Variants in SLC35F1 observed in about 807,000 individuals in gnomAD.
SLC35F1 encodes solute carrier family 35 member F1.
SLC35F1 carries 14 observed loss-of-function variants against 48.7 expected under a neutral mutation model. The ratio of observed to expected loss-of-function variants is 0.29; its 90% CI spans 0.19 to 0.45. SLC35F1 has a LOEUF of 0.45. Among genes scored for constraint, SLC35F1 ranks in the 20% least tolerant of loss-of-function variants. The pLI is 1.00. For synonymous variants in SLC35F1, 190 were observed against 202.2 expected, an observed-to-expected ratio of 0.94 and a Z score of 0.51; for missense variants, 404 against 500.0, an observed-to-expected ratio of 0.81 and a Z score of 1.83.
intron 6 of SLC35F1, among the ~76,000 whole-genome samples, chr6:118,284,721 T>C (rs1178087841): frequency 6.6e-6 from 1 of 152,216 alleles, no homozygotes; most frequent in Non-Finnish European, 1.5e-5. Flanking sequence ...CTCTTTGACA[T>C]GCAAGCTCTT....
At chr6:118,132,250 A>C (rs1327519151) in intron 1 of SLC35F1, among the ~76,000 whole-genome samples, 2 of 152,198 alleles carry the variant, frequency 1.3e-5, no homozygotes, top group Non-Finnish European at 2.9e-5. Flanking sequence ...TGAGGGCAAA[A>C]TATATGAAGG....
At chr6:118,157,676 G>A (rs62423697) in intron 2 of SLC35F1, among the ~76,000 whole-genome samples, 1 of 152,156 alleles carries the variant, frequency 6.6e-6, no homozygotes, top group African/African-American at 2.4e-5. Context: ...TGAGGGCAGG[G>A]AGCATCCAGC....
rs192147846 is a variant in SLC35F1 at position 117,947,376 on chromosome 6, G to C, written c.173+39477G>C. On this transcript the variant is annotated intron_variant, in intron 1 of 7. Transcript: ENST00000360388. ...GAAAGGAGGACTGGTAATTGGAGAAGGGCCCCGCAAACCATTGTAAAGACT... is the reference window on the plus strand; with the variant it reads ...GAAAGGAGGACTGGTAATTGGAGAACGGCCCCGCAAACCATTGTAAAGACT... Among the ~76,000 whole-genome samples, 537 of 152,266 alleles carry C rather than the reference G, an allele frequency of 3.5e-3. 4 individuals carry two copies. Among genetic ancestry groups the C allele is most frequent in the African/African-American group, 0.013 (522 of 41,560 alleles).
At chr6:117,919,226 T>C (rs950061280) in intron 1 of SLC35F1, among the ~76,000 whole-genome samples, 3 of 152,082 alleles carry the variant, frequency 2.0e-5, no homozygotes, top group Non-Finnish European at 4.4e-5. Flanking sequence ...CACTTCAAGG[T>C]TTTATGTCTG....
intron 1 of SLC35F1, among the ~76,000 whole-genome samples, chr6:118,077,074 T>A (rs1300318828): frequency 6.6e-6 from 1 of 152,248 alleles, no homozygotes; most frequent in African/African-American, 2.4e-5. Context: ...GACAGATTAA[T>A]CTTTGAAGAA....
chr6:118,222,481 A>G (rs1006244706), intron 2 of SLC35F1, among the ~76,000 whole-genome samples: 7 of 152,038 alleles, frequency 4.6e-5, no homozygotes, highest in Non-Finnish European at 8.8e-5. Context: ...TTGACCTTCA[A>G]GGCCTATTTT....
Position 118,280,938 on chromosome 6 carries a change from C to T in SLC35F1, c.847+3392C>T, listed in dbSNP as rs149358600. On this transcript the variant is annotated intron_variant, in intron 6 of 7. Transcript: ENST00000360388. ...TCTGAGGCCTAGGGAGTTGAGGTGA[C>T]TTGACGAGCATTACATATCTGAGCA... Among the ~76,000 whole-genome samples the T allele has an allele frequency of 1.6e-3, 248 of 151,726 alleles. 3 individuals are homozygous for T. Among genetic ancestry groups the T allele is most frequent in the Non-Finnish European group, 2.0e-3 (138 of 67,934 alleles).
chr6:118,313,973 T>C, intron 7 of SLC35F1, 55 bp from the exon 8 acceptor site: 1 of 1,518,558 alleles, frequency 6.6e-7, no homozygotes, highest in Non-Finnish European at 9.1e-7. Flanking sequence ...GCCTCATTAA[T>C]GTGTCAGTGG....
intron 1 of SLC35F1, among the ~76,000 whole-genome samples, chr6:118,146,842 T>C (rs1281224869): frequency 6.6e-6 from 1 of 152,170 alleles, no homozygotes; most frequent in Non-Finnish European, 1.5e-5. Context: ...GTAACTTGGC[T>C]ACCAAAGAGT....
rs1375038979 is a variant in SLC35F1 at position 118,315,417 on chromosome 6, A to G, written c.*1165A>G. 6.8e-6 allele frequency: 1 copy of G among 147,346 alleles called. No homozygotes were observed. The highest frequency in any genetic ancestry group is 1.5e-5 in the Non-Finnish European group (1 of 67,112). The allele number at this position is 147,346 out of a possible 1,614,324, so 9.1% of individuals were successfully genotyped here. ...ATTTGGCATCCATTCAATAACAGATATATTGACACGACATTCTTTTTTTTT... is the reference window on the plus strand; with the variant it reads ...ATTTGGCATCCATTCAATAACAGATGTATTGACACGACATTCTTTTTTTTT... On this transcript the variant is annotated 3_prime_UTR_variant, in exon 8 of 8. Coordinates refer to ENST00000360388, the MANE Select transcript of SLC35F1 (RefSeq NM_001029858.4).
intron 1 of SLC35F1, among the ~76,000 whole-genome samples, chr6:118,105,350 C>T (rs1008311131): frequency 6.6e-6 from 1 of 152,198 alleles, no homozygotes; most frequent in Non-Finnish European, 1.5e-5. Context: ...AGATCCTTCA[C>T]TTGTTTATCT....
Position 118,226,991 on chromosome 6 carries a change from T to A in SLC35F1, c.350-8518T>A, listed in dbSNP as rs547520825. On this transcript the variant is annotated intron_variant, in intron 2 of 7. Transcript: ENST00000360388. ...AATATGTATCAATCAATAAATAAAT[T>A]AATTAAAAAGTGACAAAGTTGCTCA... Among the ~76,000 whole-genome samples, 16 of 152,210 alleles carry A rather than the reference T, an allele frequency of 1.1e-4. No individual in the cohort carries two copies. The East Asian group carries it at 2.1e-3, about 20-fold the overall frequency.
At chr6:118,101,604 T>C (rs1223267909) in intron 1 of SLC35F1, among the ~76,000 whole-genome samples, 1 of 152,034 alleles carries the variant, frequency 6.6e-6, no homozygotes, top group Non-Finnish European at 1.5e-5. Context: ...AGAAGTGGGA[T>C]GGGAGAAGGG....
intron 1 of SLC35F1, among the ~76,000 whole-genome samples, chr6:118,018,114 T>C (rs555509178): frequency 1.3e-5 from 2 of 152,346 alleles, no homozygotes; most frequent in African/African-American, 2.4e-5. Flanking sequence ...GGCTCATGCC[T>C]GTAATCCCAG....
At chr6:118,257,364 A>G (rs1281260458) in intron 3 of SLC35F1, among the ~76,000 whole-genome samples, 1 of 150,822 alleles carries the variant, frequency 6.6e-6, no homozygotes, top group Non-Finnish European at 1.5e-5. Context: ...CTTGCTGGAA[A>G]GACCCCTGAA....
At chr6:118,144,684 C>T (rs1179303253) in intron 1 of SLC35F1, among the ~76,000 whole-genome samples, 1 of 150,974 alleles carries the variant, frequency 6.6e-6, no homozygotes, top group Non-Finnish European at 1.5e-5. Context: ...GATATGTGAT[C>T]CCCTAGTATT....
intron 1 of SLC35F1, among the ~76,000 whole-genome samples, chr6:117,989,986 A>G (rs1401785999): frequency 1.3e-5 from 2 of 152,124 alleles, no homozygotes; most frequent in African/African-American, 4.8e-5. Flanking sequence ...AGCAGAGCTG[A>G]GTCCAACTTA....
At chr6:118,170,703 A>G (rs1774390522) in intron 2 of SLC35F1, among the ~76,000 whole-genome samples, 1 of 152,016 alleles carries the variant, frequency 6.6e-6, no homozygotes, top group Admixed American at 6.6e-5. Context: ...GGCCTCCCAA[A>G]GTGCTGGGAT....
At chr6:118,212,760 A>AG in intron 2 of SLC35F1, among the ~76,000 whole-genome samples, 1 of 130,922 alleles carries the variant, frequency 7.6e-6, no homozygotes, top group South Asian at 2.7e-4. Context: ...GGAAGGAAGG[A>AG]AGGAAGGAAG....
Sources: gnomAD v4.1 joint callset for allele counts (sites outside exome capture counted in the v4.1 genomes callset) on GRCh38, gnomAD v4.1.1 for gene constraint, MANE v1.5 for transcripts, NCBI Gene and HGNC (gene_info 2026-07-23, HGNC 2026-07-21) for gene names.